Variants in PDE3B observed in about 807,000 individuals in gnomAD.
PDE3B encodes cGMP-inhibited 3',5'-cyclic phosphodiesterase 3B.
In PDE3B, 66 loss-of-function variants were observed where a neutral mutation model predicts 116.8. The observed-to-expected ratio is 0.56, with a 90% CI of 0.46 to 0.69. PDE3B has a LOEUF of 0.69. Ranked by LOEUF, PDE3B falls within the 30% of genes least tolerant of loss-of-function variation. The pLI, the probability that PDE3B is intolerant of heterozygous loss-of-function variation, is 0.00. For missense variants in PDE3B, 1,384 were observed against 1,368.1 expected (o/e 1.01, Z -0.18); for synonymous variants, 595 against 533.6 (o/e 1.12, Z -1.59).
chr11:14,844,839 C>A (rs562695067), intron 12 of PDE3B, among the ~76,000 whole-genome samples: 1 of 152,222 alleles, frequency 6.6e-6, no homozygotes, highest in Non-Finnish European at 1.5e-5. Context: ...CTGGGAAGCT[C>A]GAACTGGGTG....
chr11:14,722,535 G>A (rs552480605), intron 1 of PDE3B, among the ~76,000 whole-genome samples: 2 of 152,278 alleles, frequency 1.3e-5, no homozygotes, highest in South Asian at 2.1e-4. Flanking sequence ...TATAGTGGAC[G>A]GCATCGTTTA....
At position 14,850,570 on chromosome 11, in the gene PDE3B, C is replaced by A. The variant is rs371728701; in HGVS notation, c.2520+6544C>A. Among the ~76,000 whole-genome samples, 126 of 152,176 alleles carry A rather than the reference C, an allele frequency of 8.3e-4. 4 individuals carry two copies. The South Asian group carries it at 0.024, about 29-fold the overall frequency. On this transcript the variant is annotated intron_variant, in intron 12 of 15. Transcript: ENST00000282096. ...GCTAGAAAGCTATAATGGTTGAGAA[C>A]TATTAATCTTTTTTGTTGTTCTCTT...
At chr11:14,709,833 A>G (rs1855649072) in intron 1 of PDE3B, among the ~76,000 whole-genome samples, 1 of 152,208 alleles carries the variant, frequency 6.6e-6, no homozygotes, top group Admixed American at 6.5e-5. Context: ...TATGAAAATA[A>G]TGGTGATAAA....
the PDE3B span, chr11:14,890,376 A>G: frequency 1.6e-6 from 1 of 616,714 alleles, no homozygotes; most frequent in Non-Finnish European, 2.0e-6. Flanking sequence ...CATGGGAATA[A>G]ACTCAATTCT....
intron 1 of PDE3B, among the ~76,000 whole-genome samples, chr11:14,746,145 TC>T (rs1856904552): frequency 6.6e-6 from 1 of 152,146 alleles, no homozygotes; most frequent in Non-Finnish European, 1.5e-5. Flanking sequence ...TGTAATCCCC[TC>T]ACTTTGGGAG....
intron 1 of PDE3B, among the ~76,000 whole-genome samples, chr11:14,695,979 G>GT (rs1855196001): frequency 6.6e-6 from 1 of 152,078 alleles, no homozygotes; most frequent in Non-Finnish European, 1.5e-5. Context: ...GAACATATGT[G>GT]TGCATGTATA....
intron 1 of PDE3B, among the ~76,000 whole-genome samples, chr11:14,746,838 T>A (rs10741655): frequency 0.64 from 97,446 of 152,130 alleles, 31,347 homozygotes; most frequent in Middle Eastern, 0.71. Flanking sequence ...GAAATAGTGA[T>A]CTTAATTATG....
At chr11:14,695,519 ATTTTATTTT>A (rs1370739692) in intron 1 of PDE3B, among the ~76,000 whole-genome samples, 2 of 151,934 alleles carry the variant, frequency 1.3e-5, no homozygotes, top group Non-Finnish European at 2.9e-5. Flanking sequence ...TAAAATAATT[ATTTTATTTT>A]TTTTAAGTTC....
intron 1 of PDE3B, among the ~76,000 whole-genome samples, chr11:14,686,454 A>G (rs1244177081): frequency 6.6e-6 from 1 of 152,182 alleles, no homozygotes; most frequent in African/African-American, 2.4e-5. Context: ...TTAATTTGAG[A>G]CTGTTGAAAT....
chr11:14,724,566 C>T (rs766560818), intron 1 of PDE3B, among the ~76,000 whole-genome samples: 1 of 152,072 alleles, frequency 6.6e-6, no homozygotes. Context: ...GTTGCTCAGC[C>T]AGTGTAATGG....
At chr11:14,661,110 A>G (rs1315412604) in intron 1 of PDE3B, among the ~76,000 whole-genome samples, 4 of 152,232 alleles carry the variant, frequency 2.6e-5, no homozygotes, top group Non-Finnish European at 4.4e-5. Flanking sequence ...AGACAGTGTG[A>G]CGATTCCTCA....
Position 14,673,999 on chromosome 11 carries a change from G to T in PDE3B, c.978+28946G>T. 4 of 1,390,638 alleles carry T rather than the reference G, an allele frequency of 2.9e-6. No individual in the cohort carries two copies. In the South Asian group the frequency reaches 4.6e-5, roughly 16 times the overall value. The allele number at this position is 1,390,638 out of a possible 1,614,324, so 86.1% of individuals were successfully genotyped here. ...AGAATGGAATCCACATTTCTTCTTG[G>T]CAGGAAGTTAAAAGAGCTGTTTTCG... On this transcript the variant is annotated intron_variant, in intron 1 of 15. Transcript: ENST00000282096.
At chr11:14,879,279 C>T in the PDE3B span, 1 of 1,613,264 alleles carries the variant, frequency 6.2e-7, no homozygotes, top group Non-Finnish European at 8.5e-7. Context: ...TAACCACGTA[C>T]AACTGCATCT....
Position 14,741,306 on chromosome 11 carries a change from T to G in PDE3B, c.979-30631T>G, listed in dbSNP as rs534339258. ...GCTCGTGTATTGGCTGCATATATATTTAGGATAGTTAGCTCTTTTTGTTGC... is the reference window on the plus strand; with the variant it reads ...GCTCGTGTATTGGCTGCATATATATGTAGGATAGTTAGCTCTTTTTGTTGC... On this transcript the variant is annotated intron_variant, in intron 1 of 15. Transcript: ENST00000282096. 5.3e-5 allele frequency among the ~76,000 whole-genome samples: 8 copies of G among 152,238 alleles called. No individual in the cohort carries two copies. In the East Asian group the frequency reaches 1.5e-3, roughly 29 times the overall value.
chr11:14,794,594 A>T (rs1464981066), intron 4 of PDE3B, among the ~76,000 whole-genome samples: 2 of 152,258 alleles, frequency 1.3e-5, no homozygotes, highest in Non-Finnish European at 2.9e-5. Context: ...GATTACAGGC[A>T]TGAGACACCA....
chr11:14,703,091 G>C (rs1009625733), intron 1 of PDE3B, among the ~76,000 whole-genome samples: 30 of 151,842 alleles, frequency 2.0e-4, no homozygotes, highest in Non-Finnish European at 5.9e-5. Context: ...GTGGTGGAGG[G>C]AAGATAGTCT....
At chr11:14,777,489 C>A (rs1253413096) in intron 2 of PDE3B, among the ~76,000 whole-genome samples, 3 of 152,176 alleles carry the variant, frequency 2.0e-5, no homozygotes, top group Non-Finnish European at 4.4e-5. Context: ...AAGAAAATAT[C>A]TTAAAAAGCA....
chr11:14,883,784 A>G, the PDE3B span, among the ~76,000 whole-genome samples: 4 of 152,198 alleles, frequency 2.6e-5, no homozygotes, highest in African/African-American at 7.2e-5. Flanking sequence ...CAACCTACTC[A>G]TCTGACAAAG....
chr11:14,871,688 T>G lies in PDE3B; in HGVS notation c.*2028T>G, dbSNP rs543960260. On this transcript the variant is annotated 3_prime_UTR_variant, in exon 16 of 16. Coordinates refer to ENST00000282096, the MANE Select transcript of PDE3B (RefSeq NM_000922.4). ...ACTGGAAACTCATTTTTACATAATATAGTCCTTAAATTATTTAACCCTTGC... is the reference window on the plus strand; with the variant it reads ...ACTGGAAACTCATTTTTACATAATAGAGTCCTTAAATTATTTAACCCTTGC... The G allele has an allele frequency of 3.3e-5, 5 of 152,314 alleles. No homozygotes were observed. Among genetic ancestry groups the G allele is most frequent in the Admixed American group, 2.0e-4 (3 of 15,300 alleles). The allele number at this position is 152,314 out of a possible 1,614,324, so 9.4% of individuals were successfully genotyped here. A position where few individuals can be genotyped will look rare whatever the true frequency, so the allele number is the denominator to read the frequency against.
Sources: allele counts gnomAD v4.1 joint callset (sites outside exome capture counted in the v4.1 genomes callset), GRCh38; gene constraint gnomAD v4.1.1; transcripts MANE v1.5; gene names NCBI Gene and HGNC (gene_info 2026-07-23, HGNC 2026-07-21).